Variants in CCDC30 observed in about 807,000 individuals in gnomAD.
CCDC30 encodes coiled-coil domain-containing protein 30.
Under a neutral mutation model 100.2 loss-of-function variants are expected in CCDC30, and 70 were observed. The observed-to-expected ratio is 0.70, with a 90% CI of 0.58 to 0.85. CCDC30 has a LOEUF of 0.85. CCDC30 is among the 40% of genes least tolerant of loss of function. CCDC30 has a pLI of 0.00. For synonymous variants in CCDC30, 233 were observed against 269.5 expected, an observed-to-expected ratio of 0.86 and a Z score of 1.33; for missense variants, 652 against 771.2, an observed-to-expected ratio of 0.85 and a Z score of 1.83.
At chr1:42,621,597 C>T (rs749401333) in intron 11 of CCDC30, among the ~76,000 whole-genome samples, 3 of 151,974 alleles carry the variant, frequency 2.0e-5, no homozygotes, top group East Asian at 1.9e-4. Context: ...CTGCAAGCTC[C>T]GCCTCCCGGG....
intron 6 of CCDC30, among the ~76,000 whole-genome samples, chr1:42,510,392 C>T (rs574092240): frequency 6.6e-6 from 1 of 152,274 alleles, no homozygotes; most frequent in East Asian, 1.9e-4. Context: ...GGTGTGGTGG[C>T]TCATGCCTGT....
At chr1:42,636,930 C>T (rs1211927134) in intron 11 of CCDC30, among the ~76,000 whole-genome samples, 2 of 132,654 alleles carry the variant, frequency 1.5e-5, no homozygotes, top group African/African-American at 5.7e-5. Flanking sequence ...CCTGCCATTG[C>T]ACTCCAGCCT....
intron 9 of CCDC30, among the ~76,000 whole-genome samples, chr1:42,584,881 A>AT (rs1646038670): frequency 1.3e-5 from 2 of 152,132 alleles, no homozygotes; most frequent in African/African-American, 2.4e-5. Flanking sequence ...TGGTTTTGGT[A>AT]TTAGGGTAAT....
chr1:42,486,944 A>G (rs1449985587), intron 3 of CCDC30, among the ~76,000 whole-genome samples: 1 of 152,138 alleles, frequency 6.6e-6, no homozygotes. Context: ...TTTAGATGAA[A>G]TGTACATAAA....
intron 11 of CCDC30, among the ~76,000 whole-genome samples, chr1:42,613,471 A>C (rs1438607314): frequency 6.6e-6 from 1 of 151,874 alleles, no homozygotes; most frequent in Non-Finnish European, 1.5e-5. Context: ...GTTAGCCAGG[A>C]TGGTCTCGAT....
rs1301546058 is a variant in CCDC30 at position 42,501,614 on chromosome 1, G to A, written c.456+2698G>A. 3.9e-5 allele frequency among the ~76,000 whole-genome samples: 6 copies of A among 152,286 alleles called. No individual in the cohort carries two copies. The East Asian group carries it at 1.2e-3, about 29-fold the overall frequency. ...TCTACCTTTGGTCTTTGATGATGGT[G>A]ATGTACAGATGGGGTTTTGGTGTGG... On this transcript the variant is annotated intron_variant, in intron 6 of 16. Transcript: ENST00000668663.
intron 10 of CCDC30, among the ~76,000 whole-genome samples, chr1:42,597,728 G>A (rs2148619557): frequency 6.6e-6 from 1 of 152,236 alleles, no homozygotes; most frequent in East Asian, 1.9e-4. Flanking sequence ...ACTAACCCAA[G>A]TCCACTTTCA....
At chr1:42,638,056 G>A (rs1647192711) in intron 12 of CCDC30, among the ~76,000 whole-genome samples, 1 of 152,134 alleles carries the variant, frequency 6.6e-6, no homozygotes, top group Non-Finnish European at 1.5e-5. Context: ...ACCACTGTGT[G>A]CCAAGGATAC....
Position 42,500,299 on chromosome 1 carries a change from T to C in CCDC30, c.456+1383T>C, listed in dbSNP as rs111439175. 1.1e-3 allele frequency: 1,845 copies of C among 1,610,694 alleles called. 14 individuals are homozygous for C. In the African/African-American group the frequency reaches 0.021, roughly 18 times the overall value. On this transcript the variant is annotated intron_variant, in intron 6 of 16. Coordinates refer to ENST00000668663, the Ensembl canonical transcript of CCDC30. ...CTCTGTCTTCTTCAGTTTCGACTTA[T>C]CGAATTTCTCCATCTCAGCCATATC...
chr1:42,546,549 G>T (rs1419757318), intron 6 of CCDC30, among the ~76,000 whole-genome samples: 1 of 150,010 alleles, frequency 6.7e-6, no homozygotes, highest in Non-Finnish European at 1.5e-5. Context: ...AGGGAAAGAT[G>T]TTAAGATGTT....
intron 7 of CCDC30, among the ~76,000 whole-genome samples, chr1:42,573,566 G>A (rs1338606692): frequency 6.6e-6 from 1 of 151,874 alleles, no homozygotes; most frequent in African/African-American, 2.4e-5. Context: ...CTTTCCATAT[G>A]TTAAACCTTT....
chr1:42,489,571 A>G (rs1557801243), intron 3 of CCDC30, among the ~76,000 whole-genome samples: 2 of 152,192 alleles, frequency 1.3e-5, no homozygotes, highest in Non-Finnish European at 2.9e-5. Context: ...TTCTGATAAT[A>G]TAGGCGATCC....
At position 42,642,029 on chromosome 1, in the gene CCDC30, T is replaced by C. The variant is rs550350201; in HGVS notation, c.1420-444T>C. Among the ~76,000 whole-genome samples, 547 of 152,022 alleles carry C rather than the reference T, an allele frequency of 3.6e-3. 2 individuals are homozygous for C. The highest frequency in any genetic ancestry group is 0.011 in the African/African-American group (476 of 41,478). ...TCACAAGGTCAGGAGATCGAGACCATCCTGGCTAACACGGTGAAACCCCAT... is the reference window on the plus strand; with the variant it reads ...TCACAAGGTCAGGAGATCGAGACCACCCTGGCTAACACGGTGAAACCCCAT... On this transcript the variant is annotated intron_variant, in intron 12 of 16. Transcript: ENST00000668663.
intron 6 of CCDC30, among the ~76,000 whole-genome samples, chr1:42,542,620 G>A (rs61777389): frequency 1.5e-5 from 2 of 131,628 alleles, no homozygotes; most frequent in East Asian, 2.5e-4. Context: ...GCGCAATCTC[G>A]GCTCACTGCA....
intron 6 of CCDC30, among the ~76,000 whole-genome samples, chr1:42,543,467 T>C (rs975897726): frequency 1.3e-5 from 2 of 151,724 alleles, no homozygotes; most frequent in African/African-American, 4.8e-5. Flanking sequence ...GGTTGCAGCA[T>C]GTACCACCAC....
intron 10 of CCDC30, chr1:42,592,051 T>G: frequency 6.6e-6 from 1 of 152,234 alleles, no homozygotes; most frequent in East Asian, 1.9e-4. Context: ...GTACTACCAC[T>G]GTATCTTGGG....
chr1:42,475,396 C>T (rs557306593), intron 1 of CCDC30, among the ~76,000 whole-genome samples: 2 of 151,972 alleles, frequency 1.3e-5, no homozygotes, highest in African/African-American at 4.8e-5. Context: ...TGTAACCTAA[C>T]AGAGGGAAGA....
intron 1 of CCDC30, among the ~76,000 whole-genome samples, chr1:42,477,058 T>C (rs897552249): frequency 1.1e-4 from 16 of 151,614 alleles, no homozygotes; most frequent in Admixed American, 2.6e-4. Context: ...ATGGTTGCAT[T>C]TTAAGAGTTT....
intron 6 of CCDC30, among the ~76,000 whole-genome samples, chr1:42,528,146 A>G (rs1282598032): frequency 1.3e-5 from 2 of 152,176 alleles, no homozygotes; most frequent in East Asian, 3.8e-4. Context: ...GATTACAGGC[A>G]TGAGCCACTG....
Sources: gnomAD v4.1 joint callset for allele counts (sites outside exome capture counted in the v4.1 genomes callset) on GRCh38, gnomAD v4.1.1 for gene constraint, MANE v1.5 for transcripts, NCBI Gene and HGNC (gene_info 2026-07-23, HGNC 2026-07-21) for gene names.